Variants in LIPC observed in about 807,000 individuals in gnomAD.
The protein encoded by LIPC is lipase C, hepatic type, also known as hepatic triacylglycerol lipase.
A neutral mutation model predicts 50.7 loss-of-function variants in LIPC; 44 were observed. That is an observed-to-expected ratio of 0.87 (90% CI 0.68 to 1.11). The LOEUF (loss-of-function observed/expected upper bound fraction) is 1.11, where lower values mean the gene tolerates loss of function less well. Ranked by LOEUF, LIPC falls within the 50% of genes most tolerant of loss-of-function variation. LIPC has a pLI of 0.00. For synonymous variants in LIPC, 271 were observed against 256.4 expected (o/e 1.06, Z -0.54); for missense variants, 697 against 648.2 (o/e 1.08, Z -0.82).
intron 1 of LIPC, among the ~76,000 whole-genome samples, chr15:58,490,459 A>G (rs1314909228): frequency 6.6e-6 from 1 of 152,294 alleles, no homozygotes; most frequent in East Asian, 1.9e-4. Context: ...CATCACCAAC[A>G]TTTGGCCCTG....
intron 1 of LIPC, among the ~76,000 whole-genome samples, chr15:58,502,323 C>T (rs1012756321): frequency 6.6e-6 from 1 of 152,254 alleles, no homozygotes; most frequent in East Asian, 1.9e-4. Context: ...AACCCACCCT[C>T]CCCACCAGAT....
intron 5 of LIPC, among the ~76,000 whole-genome samples, chr15:58,547,142 C>T (rs188665511): frequency 6.6e-6 from 1 of 152,162 alleles, no homozygotes; most frequent in Non-Finnish European, 1.5e-5. Context: ...AGTGACGGAA[C>T]CAAATGTAGG....
intron 6 of LIPC, among the ~76,000 whole-genome samples, chr15:58,559,726 C>A (rs1316628517): frequency 2.9e-4 from 42 of 145,300 alleles, no homozygotes; most frequent in South Asian, 2.2e-3. Context: ...AAAAAAAAAA[C>A]CCAAAACAAA....
At chr15:58,520,334 C>G (rs1174309382) in intron 1 of LIPC, among the ~76,000 whole-genome samples, 1 of 152,076 alleles carries the variant, frequency 6.6e-6, no homozygotes, top group East Asian at 1.9e-4. Flanking sequence ...GTAGCAGCCC[C>G]CAAAGTAGTT....
chr15:58,435,839 A>C (rs1377660915), intron 1 of LIPC: 2 of 152,248 alleles, frequency 1.3e-5, no homozygotes, highest in African/African-American at 4.8e-5. Context: ...TGAACCCGGG[A>C]GGCAGAGGTT....
At chr15:58,479,325 A>T (rs1891108956) in intron 1 of LIPC, among the ~76,000 whole-genome samples, 2 of 152,264 alleles carry the variant, frequency 1.3e-5, no homozygotes, top group African/African-American at 4.8e-5. Flanking sequence ...ACTGTCATTT[A>T]TTAATGCAGA....
Position 58,480,749 on chromosome 15 carries a change from G to A in LIPC, c.88+48629G>A, listed in dbSNP as rs541476241. 4.9e-4 allele frequency among the ~76,000 whole-genome samples: 74 copies of A among 152,250 alleles called. 1 individual carries two copies. In the Middle Eastern group the frequency reaches 0.014, roughly 28 times the overall value. Reference sequence around the variant, plus strand: ...TTCTTTTTGTAGCTTATCAGCTACCGTTAGTTTTAGTGTATTTTATGTGTG... The same window carrying A: ...TTCTTTTTGTAGCTTATCAGCTACCATTAGTTTTAGTGTATTTTATGTGTG... On this transcript the variant is annotated intron_variant, in intron 1 of 8. Transcript: ENST00000299022.
chr15:58,497,272 G>T (rs1262254711), intron 1 of LIPC, among the ~76,000 whole-genome samples: 3 of 152,176 alleles, frequency 2.0e-5, no homozygotes, highest in African/African-American at 7.2e-5. Context: ...AAGCTGGCAG[G>T]TGATGCACCA....
chr15:58,472,179 G>C (rs1890832220), intron 1 of LIPC, among the ~76,000 whole-genome samples: 1 of 144,794 alleles, frequency 6.9e-6, no homozygotes, highest in Admixed American at 7.3e-5. Context: ...GCTGAAGCAG[G>C]ACAATCACTT....
chr15:58,461,270 C>T (rs998122628), intron 1 of LIPC, among the ~76,000 whole-genome samples: 2 of 152,222 alleles, frequency 1.3e-5, no homozygotes, highest in African/African-American at 4.8e-5. Context: ...TCACAGCAGC[C>T]AGCTGCAGGA....
At position 58,432,007 on chromosome 15, in the gene LIPC, G is replaced by T. The variant is rs775421240; in HGVS notation, c.-26G>T. ...TTTGGCTTCAGAAATTACCAAGAAA[G>T]CCTGGACCCCGGGTGAAACGGAGAA... On this transcript the variant is annotated 5_prime_UTR_variant, in exon 1 of 9. Coordinates refer to ENST00000299022, the MANE Select transcript of LIPC (RefSeq NM_000236.3). The T allele has an allele frequency of 2.6e-6, 4 of 1,566,420 alleles. No homozygotes were observed. The highest frequency in any genetic ancestry group is 1.1e-5 in the South Asian group (1 of 90,120).
chr15:58,549,956 G>T (rs1393060833), intron 6 of LIPC, among the ~76,000 whole-genome samples: 1 of 152,216 alleles, frequency 6.6e-6, no homozygotes, highest in African/African-American at 2.4e-5. Flanking sequence ...TGGCAATGCC[G>T]CCTGGAGTGA....
intron 1 of LIPC, among the ~76,000 whole-genome samples, chr15:58,464,685 C>A (rs1317147514): frequency 6.6e-6 from 1 of 152,158 alleles, no homozygotes; most frequent in African/African-American, 2.4e-5. Context: ...TCAAAACACA[C>A]AGGGTGGCCA....
At chr15:58,515,533 CATAT>C (rs1555403164) in intron 1 of LIPC, among the ~76,000 whole-genome samples, 2 of 141,696 alleles carry the variant, frequency 1.4e-5, no homozygotes, top group Admixed American at 7.0e-5. Flanking sequence ...TATACACACA[CATAT>C]ATATATATAT....
intron 1 of LIPC, among the ~76,000 whole-genome samples, chr15:58,530,097 A>C (rs1892912582): frequency 6.6e-6 from 1 of 152,224 alleles, no homozygotes; most frequent in East Asian, 1.9e-4. Context: ...AAGGAAAATG[A>C]ATTTTTCCTC....
chr15:58,503,211 G>T (rs896034938), intron 1 of LIPC, among the ~76,000 whole-genome samples: 2 of 152,180 alleles, frequency 1.3e-5, no homozygotes, highest in African/African-American at 4.8e-5. Flanking sequence ...AACTTTCCCA[G>T]AGTCACACAG....
chr15:58,524,343 A>G (rs1892741234), intron 1 of LIPC, among the ~76,000 whole-genome samples: 1 of 152,260 alleles, frequency 6.6e-6, no homozygotes, highest in Non-Finnish European at 1.5e-5. Flanking sequence ...TAGACACTAG[A>G]TGGACACTTG....
chr15:58,507,671 A>G (rs1276150977), intron 1 of LIPC, among the ~76,000 whole-genome samples: 1 of 152,106 alleles, frequency 6.6e-6, no homozygotes, highest in Non-Finnish European at 1.5e-5. Flanking sequence ...CTTTTTCCAT[A>G]CTCCACCAGG....
intron 1 of LIPC, among the ~76,000 whole-genome samples, chr15:58,489,821 G>T (rs546374569): frequency 2.2e-4 from 33 of 152,228 alleles, no homozygotes; most frequent in African/African-American, 7.7e-4. Context: ...TTGGGGAGTG[G>T]CTATTATCCT....
Sources: gnomAD v4.1 joint callset for allele counts (sites outside exome capture counted in the v4.1 genomes callset) on GRCh38, gnomAD v4.1.1 for gene constraint, MANE v1.5 for transcripts, NCBI Gene and HGNC (gene_info 2026-07-23, HGNC 2026-07-21) for gene names.